The following NAALADL2 variants were observed in gnomAD, a reference collection of about 807,000 sequenced individuals.
NAALADL2 encodes N-acetylated alpha-linked acidic dipeptidase like 2, also known as inactive N-acetylated-alpha-linked acidic dipeptidase-like protein 2.
NAALADL2 carries 76 observed loss-of-function variants against 87.2 expected under a neutral mutation model. That is an observed-to-expected ratio of 0.87 (90% confidence interval 0.72 to 1.05). The LOEUF is 1.05. NAALADL2 is among the 50% of genes least tolerant of loss of function. The pLI, the probability that NAALADL2 is intolerant of heterozygous loss-of-function variation, is 0.00. For synonymous variants in NAALADL2, 354 were observed against 331.0 expected (o/e 1.07, Z -0.75); for missense variants, 1,089 against 945.8 (o/e 1.15, Z -1.99).
At chr3:174,669,252 CT>C (rs370554204) in intron 2 of NAALADL2, among the ~76,000 whole-genome samples, 1,298 of 74,906 alleles carry the variant, frequency 0.017, 13 homozygotes, top group African/African-American at 0.069. Flanking sequence ...CCTTCGCCTA[CT>C]TTTTGATGGG....
At chr3:175,670,493 ATTT>A (rs1733819840) in intron 11 of NAALADL2, among the ~76,000 whole-genome samples, 1 of 147,762 alleles carries the variant, frequency 6.8e-6, no homozygotes, top group Non-Finnish European at 1.5e-5. Flanking sequence ...TTAAATGTAA[ATTT>A]AATATATTTA....
chr3:174,796,806 C>T (rs879912638), intron 3 of NAALADL2, among the ~76,000 whole-genome samples: 1 of 123,308 alleles, frequency 8.1e-6, no homozygotes, highest in African/African-American at 3.2e-5. Context: ...TATTTGTGTC[C>T]TTTGTCCACT....
At position 174,495,790 on chromosome 3, in the gene NAALADL2, C is replaced by G. The variant is rs575032561; in HGVS notation, c.-184+54758C>G. Among the ~76,000 whole-genome samples the G allele has an allele frequency of 2.0e-5, 3 of 151,398 alleles. No individual in the cohort carries two copies. The East Asian group carries it at 5.9e-4, about 30-fold the overall frequency. On this transcript the variant is annotated intron_variant, in intron 1 of 3. Coordinates refer to the NAALADL2 transcript ENST00000434257. ...AAAAATAGCTGAGACTCAAAAGATT[C>G]TACTTCTAATTTAGTACTATTGAGC...
chr3:175,212,834 T>C (rs891595382), intron 2 of NAALADL2, among the ~76,000 whole-genome samples: 1 of 152,148 alleles, frequency 6.6e-6, no homozygotes, highest in African/African-American at 2.4e-5. Flanking sequence ...TCGTATGAAA[T>C]ACTTAAATAA....
chr3:174,845,716 G>A (rs934105542), intron 3 of NAALADL2, among the ~76,000 whole-genome samples: 3 of 152,184 alleles, frequency 2.0e-5, no homozygotes, highest in African/African-American at 4.8e-5. Flanking sequence ...TTTTCTGGGT[G>A]AGAGTTCCCT....
chr3:174,578,011 C>T (rs2108552015), intron 2 of NAALADL2, among the ~76,000 whole-genome samples: 1 of 151,934 alleles, frequency 6.6e-6, no homozygotes, highest in African/African-American at 2.4e-5. Flanking sequence ...ATGGGCTTAA[C>T]AGCAAGTTAG....
chr3:175,156,728 C>T (rs1732389315), intron 2 of NAALADL2, among the ~76,000 whole-genome samples: 1 of 152,066 alleles, frequency 6.6e-6, no homozygotes, highest in Non-Finnish European at 1.5e-5. Flanking sequence ...CTAGCAATAA[C>T]AACTTAGAAC....
At chr3:174,644,821 C>T (rs1482179983) in intron 2 of NAALADL2, among the ~76,000 whole-genome samples, 1 of 152,192 alleles carries the variant, frequency 6.6e-6, no homozygotes, top group Non-Finnish European at 1.5e-5. Flanking sequence ...TGCAAAAAGA[C>T]TGTAGAACAA....
At chr3:175,515,204 G>A (rs1731673334) in intron 9 of NAALADL2, among the ~76,000 whole-genome samples, 1 of 152,152 alleles carries the variant, frequency 6.6e-6, no homozygotes, top group South Asian at 2.1e-4. Context: ...GCAACAACTT[G>A]TTCCATTAAA....
At chr3:174,738,964 T>C (rs1003838257) in intron 3 of NAALADL2, among the ~76,000 whole-genome samples, 2 of 152,226 alleles carry the variant, frequency 1.3e-5, no homozygotes, top group Non-Finnish European at 2.9e-5. Context: ...ACTCTAGGAC[T>C]GACATCCAAG....
At chr3:175,004,870 C>A (rs1454087604) in intron 1 of NAALADL2, among the ~76,000 whole-genome samples, 95 of 143,922 alleles carry the variant, frequency 6.6e-4, no homozygotes, top group African/African-American at 1.9e-3. Context: ...ATTCCAAAAT[C>A]AAAAAAAAAA....
At chr3:175,077,204 A>C (rs1716766558) in intron 1 of NAALADL2, among the ~76,000 whole-genome samples, 1 of 152,356 alleles carries the variant, frequency 6.6e-6, no homozygotes, top group South Asian at 2.1e-4. Context: ...AGGAAATTTA[A>C]AAAATGAGCA....
chr3:175,390,620 T>G (rs1768955093), intron 5 of NAALADL2, among the ~76,000 whole-genome samples: 1 of 152,138 alleles, frequency 6.6e-6, no homozygotes, highest in African/African-American at 2.4e-5. Flanking sequence ...AAGGGTTTTT[T>G]GTTGTTGTGG....
chr3:175,740,728 T>C (rs778845914), intron 12 of NAALADL2, among the ~76,000 whole-genome samples: 13 of 152,216 alleles, frequency 8.5e-5, no homozygotes, highest in Admixed American at 3.9e-4. Context: ...ACAAGCATTG[T>C]ACCTAGGGCG....
chr3:175,137,923 C>T (rs1048290610), intron 2 of NAALADL2, among the ~76,000 whole-genome samples: 57 of 151,992 alleles, frequency 3.8e-4, no homozygotes, highest in Admixed American at 3.3e-3. Context: ...CACACCAGTC[C>T]GAGATTGACC....
At chr3:175,123,507 A>T (rs905032574) in intron 2 of NAALADL2, among the ~76,000 whole-genome samples, 1 of 151,958 alleles carries the variant, frequency 6.6e-6, no homozygotes, top group Non-Finnish European at 1.5e-5. Context: ...ACAGAAAACT[A>T]TCCAAATTCT....
intron 13 of NAALADL2, among the ~76,000 whole-genome samples, chr3:175,772,556 A>C (rs1749644279): frequency 6.6e-6 from 1 of 152,070 alleles, no homozygotes; most frequent in Non-Finnish European, 1.5e-5. Context: ...ACTTTTTCCA[A>C]AATTAGTTAA....
intron 1 of NAALADL2, among the ~76,000 whole-genome samples, chr3:175,060,998 A>G (rs1483202536): frequency 6.6e-6 from 1 of 152,188 alleles, no homozygotes; most frequent in East Asian, 1.9e-4. Context: ...GTGAGCTGAG[A>G]TCGTGCCATT....
intron 2 of NAALADL2, among the ~76,000 whole-genome samples, chr3:175,157,723 T>G (rs954575724): frequency 3.9e-5 from 6 of 152,166 alleles, no homozygotes; most frequent in African/African-American, 1.4e-4. Context: ...ATTTCCCAGT[T>G]GATTGTCATC....
Sources: allele counts gnomAD v4.1 joint callset (sites outside exome capture counted in the v4.1 genomes callset), GRCh38; gene constraint gnomAD v4.1.1; transcripts MANE v1.5; gene names NCBI Gene and HGNC (gene_info 2026-07-23, HGNC 2026-07-21).